Variants in TCEANC2 observed in about 807,000 individuals in gnomAD.
The protein encoded by TCEANC2 is transcription elongation factor A N-terminal and central domain-containing protein 2.
In TCEANC2, 20 loss-of-function variants were observed where a neutral mutation model predicts 22.8. The ratio of observed to expected loss-of-function variants is 0.88; its 90% CI spans 0.62 to 1.28. The LOEUF (loss-of-function observed/expected upper bound fraction) is 1.28, where lower values mean the gene tolerates loss of function less well. Among genes scored for constraint, TCEANC2 ranks in the 50% most tolerant of loss-of-function variants. The probability of loss-of-function intolerance (pLI) is 0.00; values close to 1 mark genes in which losing one functional copy is unlikely to be tolerated. For synonymous variants in TCEANC2, 84 were observed against 95.5 expected (o/e 0.88, Z 0.70); for missense variants, 251 against 249.7 (o/e 1.01, Z -0.03).
intron 3 of TCEANC2, among the ~76,000 whole-genome samples, chr1:54,086,706 AG>A (rs1658346092): frequency 1.3e-5 from 2 of 152,226 alleles, no homozygotes; most frequent in Admixed American, 1.3e-4. Flanking sequence ...ATTTAAGTGG[AG>A]GAGTGAAATG....
rs757697449 is a variant in TCEANC2 at position 54,102,461 on chromosome 1, C to G, written c.*5988C>G. ...GACAGATCATCAGACCATGGATCAT[C>G]AAGTTGACCATGTGACCAAAGCTGT... On this transcript the variant is annotated 3_prime_UTR_variant, in exon 5 of 5. Transcript: ENST00000234827. 1 of 152,224 alleles carries G rather than the reference C, an allele frequency of 6.6e-6. No individual in the cohort carries two copies. The highest frequency in any genetic ancestry group is 1.5e-5 in the Non-Finnish European group (1 of 68,036). The allele number at this position is 152,224 out of a possible 1,614,324, so 9.4% of individuals were successfully genotyped here.
chr1:54,061,825 T>C (rs1275962357), intron 2 of TCEANC2, among the ~76,000 whole-genome samples: 2 of 152,262 alleles, frequency 1.3e-5, no homozygotes, highest in Non-Finnish European at 2.9e-5. Context: ...AGGACCATTG[T>C]ACTTCTGTTA....
Position 54,075,741 on chromosome 1 carries a change from C to T in TCEANC2, c.244+6844C>T, listed in dbSNP as rs117271478. On this transcript the variant is annotated intron_variant, in intron 3 of 4. Transcript: ENST00000234827. ...ATAAAGAAGCCTGTTTGGCCAGGCA[C>T]GGTGGCTCACACCTCTAATCCCAGC... Among the ~76,000 whole-genome samples, 397 of 152,222 alleles carry T rather than the reference C, an allele frequency of 2.6e-3. 4 individuals carry two copies. In the East Asian group the frequency reaches 0.036, roughly 14 times the overall value.
intron 4 of TCEANC2, among the ~76,000 whole-genome samples, chr1:54,094,103 T>C (rs1160302495): frequency 6.6e-6 from 1 of 152,132 alleles, no homozygotes; most frequent in African/African-American, 2.4e-5. Context: ...AGCACAAGCC[T>C]TGGAAATAAT....
At chr1:54,055,065 C>T (rs1014005974) in intron 2 of TCEANC2, among the ~76,000 whole-genome samples, 1 of 152,200 alleles carries the variant, frequency 6.6e-6, no homozygotes, top group Admixed American at 6.5e-5. Flanking sequence ...GCAACCTCCA[C>T]CTCCCGGCTT....
rs977912368 is a variant in TCEANC2, at chr1:54,104,277, A to G, written c.*7804A>G. The G allele has an allele frequency of 1.5e-4, 28 of 182,194 alleles. No homozygotes were observed. The highest frequency in any genetic ancestry group is 2.8e-4 in the Admixed American group (5 of 17,784). The allele number at this position is 182,194 out of a possible 1,614,324, so 11.3% of individuals were successfully genotyped here. On this transcript the variant is annotated 3_prime_UTR_variant, in exon 5 of 5. Coordinates refer to ENST00000234827, the MANE Select transcript of TCEANC2 (RefSeq NM_153035.3). ...TCATAGTTCTGGGCTCTGCAGGTTTAGAGGTTTTGAGTCACAAAGGAGGAA... is the reference window on the plus strand; with the variant it reads ...TCATAGTTCTGGGCTCTGCAGGTTTGGAGGTTTTGAGTCACAAAGGAGGAA...
chr1:54,091,815 C>T (rs1658452126), intron 4 of TCEANC2, among the ~76,000 whole-genome samples: 1 of 152,156 alleles, frequency 6.6e-6, no homozygotes, highest in African/African-American at 2.4e-5. Context: ...CTTACTTCCC[C>T]TTCCTCATTA....
intron 3 of TCEANC2, among the ~76,000 whole-genome samples, chr1:54,080,113 G>A (rs913707596): frequency 5.9e-5 from 9 of 151,486 alleles, no homozygotes; most frequent in Non-Finnish European, 8.8e-5. Context: ...ACTATGGAGA[G>A]ATGCTCATTA....
At position 54,099,958 on chromosome 1, in the gene TCEANC2, G is replaced by A. The variant is rs2100392607; in HGVS notation, c.*3485G>A. The A allele has an allele frequency of 6.6e-6, 1 of 152,204 alleles. No homozygotes were observed. The highest frequency in any genetic ancestry group is 2.4e-5 in the African/African-American group (1 of 41,488). The allele number at this position is 152,204 out of a possible 1,614,324, so 9.4% of individuals were successfully genotyped here. A position where few individuals can be genotyped will look rare whatever the true frequency, so the allele number is the denominator to read the frequency against. On this transcript the variant is annotated 3_prime_UTR_variant, in exon 5 of 5. Coordinates refer to ENST00000234827, the MANE Select transcript of TCEANC2 (RefSeq NM_153035.3). Reference sequence around the variant, plus strand: ...TGTAGTGGTTAATTTGGAGGTCCTGGTTGGGCATGGTAGCTCACACCTATA... The same window carrying A: ...TGTAGTGGTTAATTTGGAGGTCCTGATTGGGCATGGTAGCTCACACCTATA...
intron 2 of TCEANC2, among the ~76,000 whole-genome samples, chr1:54,060,238 T>C (rs1449908437): frequency 6.6e-6 from 1 of 151,986 alleles, no homozygotes; most frequent in Non-Finnish European, 1.5e-5. Flanking sequence ...AAACCCTGTC[T>C]CTACTAAAAA....
chr1:54,088,862 A>C, intron 4 of TCEANC2, 72 bp downstream of exon 4: 1 of 1,194,778 alleles, frequency 8.4e-7, no homozygotes, highest in Non-Finnish European at 1.1e-6. Flanking sequence ...AAATAAAGGT[A>C]ATGTCCTGGT....
At chr1:54,068,108 A>G (rs577899306) in intron 2 of TCEANC2, among the ~76,000 whole-genome samples, 2 of 152,368 alleles carry the variant, frequency 1.3e-5, no homozygotes, top group African/African-American at 4.8e-5. Flanking sequence ...ATGCATATCA[A>G]CTTTAAGATG....
Position 54,088,625 on chromosome 1 carries a change from C to T in TCEANC2, c.273C>T (p.His91=). 1.2e-6 allele frequency: 2 copies of T among 1,604,346 alleles called. No individual in the cohort carries two copies. Residue 91 remains histidine, a synonymous_variant, in exon 4 of 5, where the codon CAC becomes CAT. Coordinates refer to ENST00000234827, the MANE Select transcript of TCEANC2 (RefSeq NM_153035.3). The part of the protein sequence containing the change: ...IGHTVNKMRK[H]SDSEVASLAR... ...ACACTGTGAACAAGATGCGTAAACA[C>T]TCAGATTCAGAAGTGGCTTCTCTTG... is the stretch of plus-strand genomic sequence containing the variant.
At chr1:54,077,018 A>T (rs746773932) in intron 3 of TCEANC2, among the ~76,000 whole-genome samples, 2 of 152,056 alleles carry the variant, frequency 1.3e-5, no homozygotes, top group Non-Finnish European at 2.9e-5. Flanking sequence ...GAAGTGAGCC[A>T]TGAGGATGAG....
rs1384997955 is a variant in TCEANC2, at chr1:54,098,445, A to T, written c.*1972A>T. On this transcript the variant is annotated 3_prime_UTR_variant, in exon 5 of 5. Transcript: ENST00000234827. Reference sequence around the variant, plus strand: ...GCTTTAGGTCTCTCTTTCCCTTATCAAAAAGGCTTTTGCTGACTATCCTAA... The same window carrying T: ...GCTTTAGGTCTCTCTTTCCCTTATCTAAAAGGCTTTTGCTGACTATCCTAA... 6.6e-6 allele frequency: 1 copy of T among 152,198 alleles called. No individual in the cohort carries two copies. Among genetic ancestry groups the T allele is most frequent in the East Asian group, 1.9e-4 (1 of 5,200 alleles). 9.4% of individuals were successfully genotyped at this position (152,198 alleles called of 1,614,324 possible).
Position 54,096,464 on chromosome 1 carries a change from C to T in TCEANC2, c.618C>T (p.His206=), listed in dbSNP as rs758921039. The part of the protein sequence containing the change: ...SLPVGTFVQT[H]KK ...CAGTCGGCACGTTTGTACAGACCCA[C>T]AAAAAGTGACCTGAGGACGGTTCCA... The change falls in exon 5 of 5, where the codon CAC becomes CAT. Residue 206 remains histidine (H), a synonymous_variant. Coordinates refer to ENST00000234827, the MANE Select transcript of TCEANC2 (RefSeq NM_153035.3). This position sits in a 1 kb window ranked among gnomAD's most constrained non-coding sequence, Gnocchi z 4.9. The T allele has an allele frequency of 6.2e-7, 1 of 1,600,384 alleles. No individual in the cohort carries two copies. The highest frequency in any genetic ancestry group is 8.6e-7 in the Non-Finnish European group (1 of 1,168,790).
chr1:54,081,381 A>T lies in TCEANC2; in HGVS notation c.245-7216A>T, dbSNP rs142863394. On this transcript the variant is annotated intron_variant, in intron 3 of 4. Transcript: ENST00000234827. Reference sequence around the variant, plus strand: ...GTAGCTGGGACTGTAGGCATGTGCCACCATACCCAGTCAATTCTTTTATTT... The same window carrying T: ...GTAGCTGGGACTGTAGGCATGTGCCTCCATACCCAGTCAATTCTTTTATTT... 3.5e-3 allele frequency among the ~76,000 whole-genome samples: 538 copies of T among 152,206 alleles called. 2 individuals are homozygous for T. The highest frequency in any genetic ancestry group is 0.012 in the African/African-American group (505 of 41,514).
chr1:54,104,606 A>G lies in TCEANC2; in HGVS notation c.*8133A>G, dbSNP rs548926347. ...ACCCAGGCTGGAGTGCAGTGGCACCATCTCGGCTCACTGCAACCTCTGCCT... is the reference window on the plus strand; with the variant it reads ...ACCCAGGCTGGAGTGCAGTGGCACCGTCTCGGCTCACTGCAACCTCTGCCT... On this transcript the variant is annotated 3_prime_UTR_variant, in exon 5 of 5. Transcript: ENST00000234827. 8 of 452,882 alleles carry G rather than the reference A, an allele frequency of 1.8e-5. No individual in the cohort carries two copies. Among genetic ancestry groups the G allele is most frequent in the Non-Finnish European group, 3.1e-5 (7 of 224,816 alleles). The allele number at this position is 452,882 out of a possible 1,614,324, so 28.1% of individuals were successfully genotyped here.
intron 4 of TCEANC2, among the ~76,000 whole-genome samples, chr1:54,089,096 G>A (rs569381753): frequency 4.6e-5 from 7 of 152,270 alleles, no homozygotes; most frequent in East Asian, 1.9e-4. Flanking sequence ...ATAGCTTAAC[G>A]TTTTCTGAGA....
Sources: gnomAD v4.1 joint callset for allele counts (sites outside exome capture counted in the v4.1 genomes callset) on GRCh38, gnomAD v4.1.1 for gene constraint, Gnocchi (gnomAD v3.1) non-coding constraint, MANE v1.5 for transcripts, NCBI Gene and HGNC (gene_info 2026-07-23, HGNC 2026-07-21) for gene names.